Variants in KL observed in about 807,000 individuals in gnomAD.
KL encodes the protein klotho, also known as alpha-klotho.
A neutral mutation model predicts 84.2 loss-of-function variants in KL; 62 were observed. The observed-to-expected ratio is 0.74, with a 90% CI of 0.60 to 0.91. The LOEUF (loss-of-function observed/expected upper bound fraction) is 0.91. Among genes scored for constraint, KL ranks in the 40% least tolerant of loss-of-function variants. The probability of loss-of-function intolerance (pLI) is 0.00; values close to 1 mark genes in which losing one functional copy is unlikely to be tolerated. For synonymous variants in KL, 528 were observed against 528.0 expected (o/e 1.00, Z 0.00); for missense variants, 1,261 against 1,305.7 (o/e 0.97, Z 0.53).
intron 3 of KL, among the ~76,000 whole-genome samples, chr13:33,058,460 C>G (rs1028942742): frequency 1.3e-5 from 2 of 151,864 alleles, no homozygotes; most frequent in Non-Finnish European, 2.9e-5. Context: ...CCTGCCTCAG[C>G]CTCCTGAGTA....
At chr13:33,022,629 A>G (rs1868616120) in intron 1 of KL, among the ~76,000 whole-genome samples, 1 of 152,130 alleles carries the variant, frequency 6.6e-6, no homozygotes, top group Non-Finnish European at 1.5e-5. Context: ...TCCCCTCTTT[A>G]TCTTGGGGTA....
upstream of KL, chr13:33,016,420 G>C: frequency 1.1e-6 from 1 of 913,314 alleles, no homozygotes; most frequent in Non-Finnish European, 1.3e-6. Flanking sequence ...GCGGGGCCCC[G>C]GAGCCTGGCT....
At chr13:33,036,832 G>A (rs529335711) in intron 1 of KL, among the ~76,000 whole-genome samples, 1 of 152,010 alleles carries the variant, frequency 6.6e-6, no homozygotes, top group Non-Finnish European at 1.5e-5. Flanking sequence ...AGTTGTGTAT[G>A]TTTTACCACA....
In KL at chr13:33,043,146, A is replaced by T. The variant is rs373155572; in HGVS notation, c.820-10621A>T. On this transcript the variant is annotated intron_variant, in intron 1 of 4. Coordinates refer to ENST00000380099, the MANE Select transcript of KL (RefSeq NM_004795.4). Reference sequence around the variant, plus strand: ...TAAGAAACTGTCAAATAGTTTTCCAAAGTGGTGGTACTATTTATACTCCCA... The same window carrying T: ...TAAGAAACTGTCAAATAGTTTTCCATAGTGGTGGTACTATTTATACTCCCA... Among the ~76,000 whole-genome samples the T allele has an allele frequency of 1.8e-4, 27 of 152,306 alleles. 1 individual carries two copies. The East Asian group carries it at 2.1e-3, about 12-fold the overall frequency.
chr13:33,056,939 T>C (rs1275856965), intron 3 of KL, among the ~76,000 whole-genome samples: 1 of 152,160 alleles, frequency 6.6e-6, no homozygotes, highest in Non-Finnish European at 1.5e-5. Flanking sequence ...TCTCCCAGCC[T>C]CCTGCTATTT....
At chr13:33,039,107 A>G (rs1451611682) in intron 1 of KL, among the ~76,000 whole-genome samples, 1 of 152,210 alleles carries the variant, frequency 6.6e-6, no homozygotes, top group Admixed American at 6.5e-5. Context: ...AAAATTAGGT[A>G]ATACTGTACG....
At chr13:33,059,182 A>C (rs1872078905) in intron 3 of KL, among the ~76,000 whole-genome samples, 1 of 152,216 alleles carries the variant, frequency 6.6e-6, no homozygotes, top group African/African-American at 2.4e-5. Flanking sequence ...ACACAGGCTT[A>C]GGGTGCAGAT....
rs779775367 is a variant in KL at position 33,054,059 on chromosome 13, T to C, written c.1112T>C (p.Phe371Ser). Residue 371 changes from phenylalanine to serine, a missense_variant, in exon 2 of 5, where the codon TTT becomes TCT. Transcript: ENST00000380099. ...ACTGCTGACTTTTTTGCTCTTTGCT[T>C]TGGACCCACCTTGAGTTTTCAACTT... Reference protein sequence around the residue: ...KGTADFFALCFGPTLSFQLLD... With the variant: ...KGTADFFALCSGPTLSFQLLD... 6.2e-7 allele frequency: 1 copy of C among 1,613,764 alleles called. No individual in the cohort carries two copies. The highest frequency in any genetic ancestry group is 1.1e-5 in the South Asian group (1 of 91,058).
intron 1 of KL, among the ~76,000 whole-genome samples, chr13:33,045,934 G>A (rs560439251): frequency 2.0e-5 from 3 of 152,204 alleles, no homozygotes; most frequent in East Asian, 1.9e-4. Flanking sequence ...CTCTATTGAT[G>A]TAATGCATTA....
rs768221192 is a variant in KL at position 33,017,202 on chromosome 13, C to A, written c.762C>A (p.Ala254=). 4 of 1,596,594 alleles carry A rather than the reference C, an allele frequency of 2.5e-6. No homozygotes were observed. The South Asian group carries it at 4.4e-5, about 18-fold the overall frequency. ...ACGGCTACGCCACCGGGCGCCTGGCCCCCGGCATCCGGGGCAGCCCGCGGC... is the reference window on the plus strand; with the variant it reads ...ACGGCTACGCCACCGGGCGCCTGGCACCCGGCATCCGGGGCAGCCCGCGGC... The part of the protein sequence containing the change: ...AWHGYATGRL[A]PGIRGSPRLG... Residue 254 remains alanine (A), a synonymous_variant, in exon 1 of 5, where the codon GCC becomes GCA. Coordinates refer to ENST00000380099, the MANE Select transcript of KL (RefSeq NM_004795.4).
At chr13:33,033,147 T>C (rs1484250643) in intron 1 of KL, among the ~76,000 whole-genome samples, 2 of 152,256 alleles carry the variant, frequency 1.3e-5, no homozygotes, top group African/African-American at 4.8e-5. Context: ...CTCTCTTTTT[T>C]CTTCCTTCAC....
chr13:33,044,583 G>A (rs963454631), intron 1 of KL, among the ~76,000 whole-genome samples: 1 of 140,564 alleles, frequency 7.1e-6, no homozygotes, highest in South Asian at 2.3e-4. Flanking sequence ...AAGTGGCATT[G>A]TATTTAAAAT....
intron 3 of KL, among the ~76,000 whole-genome samples, chr13:33,057,211 G>T (rs1234735467): frequency 6.6e-6 from 1 of 152,088 alleles, no homozygotes; most frequent in African/African-American, 2.4e-5. Context: ...GGCAGGTTCA[G>T]TCCTTTGTAT....
intron 1 of KL, among the ~76,000 whole-genome samples, chr13:33,049,833 C>A (rs934703540): frequency 1.3e-5 from 2 of 151,944 alleles, no homozygotes; most frequent in Admixed American, 1.3e-4. Context: ...TTTTTTTAAT[C>A]TCTAGAGCAA....
intron 3 of KL, among the ~76,000 whole-genome samples, chr13:33,057,619 C>T (rs921717585): frequency 2.0e-5 from 3 of 152,122 alleles, no homozygotes; most frequent in Admixed American, 6.5e-5. Context: ...GCAGTCTCCT[C>T]CTGTGCAGAA....
intron 1 of KL, among the ~76,000 whole-genome samples, chr13:33,053,049 C>T (rs535315894): frequency 8.5e-5 from 13 of 152,278 alleles, no homozygotes; most frequent in East Asian, 1.9e-4. Flanking sequence ...CACTGCTGTA[C>T]GAAACTCCTG....
intron 1 of KL, among the ~76,000 whole-genome samples, chr13:33,047,796 T>A (rs1338427254): frequency 6.6e-6 from 1 of 151,802 alleles, no homozygotes; most frequent in African/African-American, 2.4e-5. Context: ...AAAAATCAGA[T>A]TTTTTGGTAA....
At chr13:33,024,630 C>T (rs1285271291) in intron 1 of KL, among the ~76,000 whole-genome samples, 2 of 152,344 alleles carry the variant, frequency 1.3e-5, no homozygotes, top group South Asian at 4.1e-4. Context: ...GCATGGGAGG[C>T]AAGCCCGTTG....
At chr13:33,051,492 C>T (rs967791114) in intron 1 of KL, among the ~76,000 whole-genome samples, 1 of 152,202 alleles carries the variant, frequency 6.6e-6, no homozygotes, top group African/African-American at 2.4e-5. Flanking sequence ...GATCCCATCA[C>T]TTCACTCCAG....
Sources: gnomAD v4.1 joint callset for allele counts (sites outside exome capture counted in the v4.1 genomes callset) on GRCh38, gnomAD v4.1.1 for gene constraint, MANE v1.5 for transcripts, NCBI Gene and HGNC (gene_info 2026-07-23, HGNC 2026-07-21) for gene names.